Variants in SPIDR observed in about 807,000 individuals in gnomAD.
The protein encoded by SPIDR is scaffold protein involved in DNA repair.
A neutral mutation model predicts 104.6 loss-of-function variants in SPIDR; 93 were observed. The observed-to-expected ratio is 0.89, with a 90% CI of 0.75 to 1.06. The LOEUF (loss-of-function observed/expected upper bound fraction) is 1.06, where lower values mean the gene tolerates loss of function less well. Among genes scored for constraint, SPIDR ranks in the 50% least tolerant of loss-of-function variants. The pLI, the probability that SPIDR is intolerant of heterozygous loss-of-function variation, is 0.00. For missense variants in SPIDR, 1,154 were observed against 1,111.2 expected, an observed-to-expected ratio of 1.04 and a Z score of -0.55; for synonymous variants, 431 against 416.9, an observed-to-expected ratio of 1.03 and a Z score of -0.41.
intron 5 of SPIDR, among the ~76,000 whole-genome samples, chr8:47,305,233 G>T (rs1313900536): frequency 1.3e-5 from 2 of 152,146 alleles, no homozygotes. Context: ...ACTTTGTTAT[G>T]TCATTCTTAT....
intron 8 of SPIDR, among the ~76,000 whole-genome samples, chr8:47,522,591 T>G (rs2154381121): frequency 6.6e-6 from 1 of 152,278 alleles, no homozygotes; most frequent in Middle Eastern, 3.4e-3. Context: ...CTGCCAAGGT[T>G]GGTTAGGGTT....
intron 8 of SPIDR, among the ~76,000 whole-genome samples, chr8:47,502,891 T>C (rs1025613602): frequency 6.6e-6 from 1 of 152,264 alleles, no homozygotes; most frequent in African/African-American, 2.4e-5. Flanking sequence ...CATTTCGTTA[T>C]GTACTCAGTA....
chr8:47,733,256 G>A (rs546526056), intron 19 of SPIDR, among the ~76,000 whole-genome samples: 28 of 152,240 alleles, frequency 1.8e-4, no homozygotes, highest in Middle Eastern at 3.4e-3. Context: ...GCATGGTGGT[G>A]CGCACCTGTA....
intron 5 of SPIDR, among the ~76,000 whole-genome samples, chr8:47,362,017 T>C (rs2056089209): frequency 6.6e-6 from 1 of 152,194 alleles, no homozygotes; most frequent in African/African-American, 2.4e-5. Flanking sequence ...CCTCGAAGTA[T>C]CCACAGTGAG....
chr8:47,689,754 G>C lies in SPIDR; in HGVS notation c.1686-10649G>C, dbSNP rs879611616. Among the ~76,000 whole-genome samples, 10 of 152,260 alleles carry C rather than the reference G, an allele frequency of 6.6e-5. No individual in the cohort carries two copies. In the South Asian group the frequency reaches 1.5e-3, roughly 22 times the overall value. ...CTCTCCGTGACTGGGGGTGGCATGG[G>C]AGCTCTGATGAGGCACACTCCAATG... On this transcript the variant is annotated intron_variant, in intron 11 of 19. Transcript: ENST00000297423.
intron 10 of SPIDR, among the ~76,000 whole-genome samples, chr8:47,666,731 T>C (rs1335109704): frequency 6.6e-6 from 1 of 152,204 alleles, no homozygotes; most frequent in Admixed American, 6.5e-5. Flanking sequence ...AAAATTAATG[T>C]TTGTATTTTA....
intron 1 of SPIDR, among the ~76,000 whole-genome samples, chr8:47,262,298 C>A (rs2032641816): frequency 6.6e-6 from 1 of 152,156 alleles, no homozygotes; most frequent in Non-Finnish European, 1.5e-5. Flanking sequence ...CTGGTCTCTT[C>A]ATCTTGTCAT....
intron 5 of SPIDR, among the ~76,000 whole-genome samples, chr8:47,388,161 A>G (rs1163555351): frequency 2.0e-5 from 3 of 152,236 alleles, no homozygotes; most frequent in African/African-American, 4.8e-5. Context: ...TAGATCAACC[A>G]GAAATAAGGG....
intron 5 of SPIDR, among the ~76,000 whole-genome samples, chr8:47,363,130 C>G (rs1477478590): frequency 2.0e-5 from 3 of 150,520 alleles, no homozygotes; most frequent in Admixed American, 6.6e-5. Flanking sequence ...TAGACGAGTT[C>G]ATGTAGCAAA....
chr8:47,503,086 TG>T (rs2080816937), intron 8 of SPIDR, among the ~76,000 whole-genome samples: 1 of 152,142 alleles, frequency 6.6e-6, no homozygotes, highest in South Asian at 2.1e-4. Flanking sequence ...ATAGGTGTGT[TG>T]TGGTGCTGAA....
chr8:47,299,739 A>G (rs921665832), intron 5 of SPIDR, among the ~76,000 whole-genome samples: 4 of 152,170 alleles, frequency 2.6e-5, no homozygotes, highest in Non-Finnish European at 5.9e-5. Context: ...TTCTGTTTAT[A>G]TGATGGATTA....
chr8:47,615,863 C>G (rs1482750811), intron 10 of SPIDR, among the ~76,000 whole-genome samples: 4 of 152,072 alleles, frequency 2.6e-5, no homozygotes, highest in Non-Finnish European at 5.9e-5. Flanking sequence ...TAATTTCTTT[C>G]AGAAATGTTT....
intron 5 of SPIDR, among the ~76,000 whole-genome samples, chr8:47,350,078 G>T (rs1554621320): frequency 6.6e-6 from 1 of 152,192 alleles, no homozygotes; most frequent in African/African-American, 2.4e-5. Flanking sequence ...TTAGACTGGA[G>T]CTGTTCCTAT....
intron 19 of SPIDR, among the ~76,000 whole-genome samples, chr8:47,733,713 C>T (rs1025718674): frequency 1.3e-5 from 2 of 152,012 alleles, no homozygotes; most frequent in Non-Finnish European, 2.9e-5. Flanking sequence ...TCTTCAGTGA[C>T]GGGCCCACAT....
Position 47,562,673 on chromosome 8 carries a change from G to T in SPIDR, c.1098-33138G>T, listed in dbSNP as rs1283587556. ...CAGTCCAGAATCAGCTGCCCTTGTG[G>T]TTGCCGCTGTTTCATTTTGGCAGCA... On this transcript the variant is annotated intron_variant, in intron 8 of 19. Coordinates refer to ENST00000297423, the MANE Select transcript of SPIDR (RefSeq NM_001080394.4). 2.6e-5 allele frequency among the ~76,000 whole-genome samples: 4 copies of T among 152,186 alleles called. No individual in the cohort carries two copies. In the East Asian group the frequency reaches 7.7e-4, roughly 29 times the overall value.
At chr8:47,493,498 G>A (rs1009734473) in intron 8 of SPIDR, among the ~76,000 whole-genome samples, 3 of 152,166 alleles carry the variant, frequency 2.0e-5, no homozygotes, top group African/African-American at 7.2e-5. Context: ...GATCAAATAT[G>A]AAAATGTTAA....
chr8:47,498,239 T>C (rs185522975), intron 8 of SPIDR, among the ~76,000 whole-genome samples: 1 of 152,316 alleles, frequency 6.6e-6, no homozygotes, highest in African/African-American at 2.4e-5. Context: ...AAGCACATTG[T>C]TGGCCAGTTG....
intron 14 of SPIDR, among the ~76,000 whole-genome samples, chr8:47,703,299 A>T (rs994973718): frequency 5.3e-5 from 8 of 152,206 alleles, no homozygotes; most frequent in African/African-American, 1.9e-4. Context: ...TCATTCTTCG[A>T]CAGTGGAAGA....
intron 8 of SPIDR, among the ~76,000 whole-genome samples, chr8:47,551,063 G>A (rs2090379268): frequency 1.3e-5 from 2 of 152,290 alleles, no homozygotes; most frequent in South Asian, 2.1e-4. Flanking sequence ...TTAATGTGAT[G>A]GATTACATTT....
Sources: gnomAD v4.1 joint callset for allele counts (sites outside exome capture counted in the v4.1 genomes callset) on GRCh38, gnomAD v4.1.1 for gene constraint, MANE v1.5 for transcripts, NCBI Gene and HGNC (gene_info 2026-07-23, HGNC 2026-07-21) for gene names.